The following TTC29 variants were observed in gnomAD, a reference collection of about 807,000 sequenced individuals.
TTC29 encodes tetratricopeptide repeat domain 29.
TTC29 carries 49 observed loss-of-function variants against 58.1 expected under a neutral mutation model. That is an observed-to-expected ratio of 0.84 (90% CI 0.67 to 1.07). TTC29 has a LOEUF of 1.07. TTC29 is among the 50% of genes least tolerant of loss of function. The pLI is 0.00. For missense variants in TTC29, 582 were observed against 555.6 expected (o/e 1.05, Z -0.48); for synonymous variants, 209 against 196.8 (o/e 1.06, Z -0.52).
At chr4:146,825,804 T>C (rs1214450136) in intron 9 of TTC29, among the ~76,000 whole-genome samples, 2 of 152,224 alleles carry the variant, frequency 1.3e-5, no homozygotes, top group Non-Finnish European at 2.9e-5. Context: ...GGTGCATATA[T>C]ATTTAGAATA....
At chr4:146,852,086 C>A (rs1729550900) in intron 8 of TTC29, among the ~76,000 whole-genome samples, 1 of 152,178 alleles carries the variant, frequency 6.6e-6, no homozygotes, top group African/African-American at 2.4e-5. Context: ...CAGGGGTAAG[C>A]CACCGCACCC....
intron 8 of TTC29, among the ~76,000 whole-genome samples, chr4:146,838,757 A>G (rs1307922028): frequency 6.6e-6 from 1 of 151,986 alleles, no homozygotes; most frequent in Non-Finnish European, 1.5e-5. Flanking sequence ...TGCCTGAAGG[A>G]ACAACTGTAT....
intron 6 of TTC29, among the ~76,000 whole-genome samples, chr4:146,880,750 A>T (rs1483535234): frequency 1.3e-5 from 2 of 152,146 alleles, no homozygotes; most frequent in Non-Finnish European, 2.9e-5. Flanking sequence ...AGGAACATAA[A>T]TGTAATTCTC....
intron 11 of TTC29, among the ~76,000 whole-genome samples, chr4:146,710,480 A>G (rs536618313): frequency 6.6e-6 from 1 of 152,282 alleles, no homozygotes; most frequent in African/African-American, 2.4e-5. Flanking sequence ...TACGCGGTGC[A>G]TGACTGGATA....
At chr4:146,830,306 C>T (rs1013833796) in intron 9 of TTC29, among the ~76,000 whole-genome samples, 6 of 152,190 alleles carry the variant, frequency 3.9e-5, no homozygotes, top group African/African-American at 1.4e-4. Flanking sequence ...AACACCAAGT[C>T]TGTATCTATT....
intron 9 of TTC29, among the ~76,000 whole-genome samples, chr4:146,825,939 T>TA (rs1561163581): frequency 2.7e-5 from 4 of 150,910 alleles, no homozygotes; most frequent in East Asian, 1.9e-4. Flanking sequence ...GCTTTTTTTT[T>TA]TAAAAAAATT....
chr4:146,931,073 T>A (rs560740901), intron 4 of TTC29, among the ~76,000 whole-genome samples: 1 of 152,152 alleles, frequency 6.6e-6, no homozygotes, highest in African/African-American at 2.4e-5. Context: ...CTGGGCATGA[T>A]GGCTCACAGC....
At chr4:146,774,246 T>C (rs1747933513) in intron 11 of TTC29, among the ~76,000 whole-genome samples, 1 of 152,220 alleles carries the variant, frequency 6.6e-6, no homozygotes, top group East Asian at 1.9e-4. Context: ...GCTCTGATTT[T>C]AGTTATTTCT....
rs1744062767 is a variant in TTC29 at position 146,728,827 on chromosome 4, A to ATATATATACATATATATGTATATATACG, written c.1331-21277_1331-21276insCGTATATATACATATATATGTATATATA. The stretch of plus-strand genomic sequence containing the variant: ...TACACATATATATGTGTATATATAC[A>ATATATATACATATATATGTATATATACG]TATATATACACATATATATGTATAT... On this transcript the variant is annotated intron_variant, in intron 11 of 12. Coordinates refer to ENST00000325106, the MANE Select transcript of TTC29 (RefSeq NM_031956.4). Among the ~76,000 whole-genome samples, 27 of 67,774 alleles carry ATATATATACATATATATGTATATATACG rather than the reference A, an allele frequency of 4.0e-4. 1 individual carries two copies. Among genetic ancestry groups the ATATATATACATATATATGTATATATACG allele is most frequent in the African/African-American group, 1.1e-3 (25 of 22,464 alleles). The allele number at this position is 67,774 out of a possible 152,430, so 44.5% of individuals were successfully genotyped here. A position where few individuals can be genotyped will look rare whatever the true frequency, so the allele number is the denominator to read the frequency against.
chr4:146,728,826 C>T lies in TTC29; in HGVS notation c.1331-21275G>A, dbSNP rs1266304845. 4.9e-3 allele frequency among the ~76,000 whole-genome samples: 449 copies of T among 91,748 alleles called. 26 individuals are homozygous for T. The highest frequency in any genetic ancestry group is 7.8e-3 in the Non-Finnish European group (335 of 42,866). The allele number at this position is 91,748 out of a possible 152,430, so 60.2% of individuals were successfully genotyped here. A position where few individuals can be genotyped will look rare whatever the true frequency, so the allele number is the denominator to read the frequency against. On this transcript the variant is annotated intron_variant, in intron 11 of 12. Coordinates refer to ENST00000325106, the MANE Select transcript of TTC29 (RefSeq NM_031956.4). ...ATACACATATATATGTGTATATATA[C>T]ATATATATACACATATATATGTATA...
chr4:146,916,409 A>G (rs1421375582), intron 4 of TTC29, among the ~76,000 whole-genome samples: 2 of 151,724 alleles, frequency 1.3e-5, no homozygotes, highest in Non-Finnish European at 3.0e-5. Context: ...AGCCATATAG[A>G]ATTATAATGA....
intron 10 of TTC29, among the ~76,000 whole-genome samples, chr4:146,807,248 G>A (rs1178715657): frequency 1.3e-5 from 2 of 152,192 alleles, no homozygotes; most frequent in Admixed American, 6.5e-5. Flanking sequence ...AGTGTGTAGA[G>A]AGAAATTTAT....
At chr4:146,942,624 T>A (rs760948006) in intron 2 of TTC29, 1 of 1,533,292 alleles carries the variant, frequency 6.5e-7, no homozygotes, top group South Asian at 1.2e-5. Context: ...AGTTCCAGAG[T>A]CTTCCAATGT....
intron 6 of TTC29, among the ~76,000 whole-genome samples, chr4:146,902,642 G>A (rs1019170703): frequency 6.6e-6 from 1 of 151,704 alleles, no homozygotes; most frequent in African/African-American, 2.4e-5. Context: ...TGATTGCATC[G>A]TGCCTTCCTT....
At chr4:146,820,964 G>A (rs865921831) in intron 9 of TTC29, among the ~76,000 whole-genome samples, 2 of 151,830 alleles carry the variant, frequency 1.3e-5, no homozygotes, top group East Asian at 1.9e-4. Flanking sequence ...CCTGGGAGGC[G>A]GAGCTTGCAG....
chr4:146,810,264 G>A (rs1376231565), intron 10 of TTC29, among the ~76,000 whole-genome samples: 1 of 152,132 alleles, frequency 6.6e-6, no homozygotes, highest in Non-Finnish European at 1.5e-5. Flanking sequence ...GGGACTGGGG[G>A]ACTAGGGGAG....
rs141902554 is a variant in TTC29, at chr4:146,775,307, TA to T, written c.1330+28149del. Among the ~76,000 whole-genome samples, 385 of 152,320 alleles carry T rather than the reference TA, an allele frequency of 2.5e-3. 6 individuals are homozygous for T. In the East Asian group the frequency reaches 0.044, roughly 18 times the overall value. On this transcript the variant is annotated intron_variant, in intron 11 of 12. Transcript: ENST00000325106. ...TGTGATCATTTTGTTGGCCGGTTATTATGCAGACTTGATTGTGTGATTGCTT... is the reference window on the plus strand; with the variant it reads ...TGTGATCATTTTGTTGGCCGGTTATTTGCAGACTTGATTGTGTGATTGCTT...
intron 11 of TTC29, among the ~76,000 whole-genome samples, chr4:146,734,930 G>A (rs1744608374): frequency 1.3e-5 from 2 of 152,054 alleles, no homozygotes; most frequent in Admixed American, 1.3e-4. Flanking sequence ...CCACAGCTGT[G>A]TTGAGATCAG....
chr4:146,848,037 A>C (rs1260675721), intron 8 of TTC29, among the ~76,000 whole-genome samples: 2 of 152,176 alleles, frequency 1.3e-5, no homozygotes, highest in Non-Finnish European at 2.9e-5. Flanking sequence ...CACTTGTACA[A>C]CTTTAACAAT....
Sources: allele counts gnomAD v4.1 joint callset (sites outside exome capture counted in the v4.1 genomes callset), GRCh38; gene constraint gnomAD v4.1.1; transcripts MANE v1.5; gene names NCBI Gene and HGNC (gene_info 2026-07-23, HGNC 2026-07-21).